TUBGCP2: variants seen among roughly 807,000 people sequenced by gnomAD.
The protein encoded by TUBGCP2 is tubulin gamma complex component 2.
In TUBGCP2, 55 loss-of-function variants were observed where a neutral mutation model predicts 92.2. The observed-to-expected ratio is 0.60, with a 90% CI of 0.48 to 0.75. The LOEUF (loss-of-function observed/expected upper bound fraction) is 0.75. TUBGCP2 is among the 30% of genes least tolerant of loss of function. The probability of loss-of-function intolerance (pLI) is 0.00; values close to 1 mark genes in which losing one functional copy is unlikely to be tolerated. For missense variants in TUBGCP2, 1,093 were observed against 1,188.9 expected (o/e 0.92, Z 1.19); for synonymous variants, 533 against 505.2 (o/e 1.06, Z -0.74).
chr10:133,308,204 G>C (rs1264458015), intron 1 of TUBGCP2, among the ~76,000 whole-genome samples: 2 of 152,122 alleles, frequency 1.3e-5, no homozygotes, highest in African/African-American at 4.8e-5. Context: ...ATTTTAATTA[G>C]GTGACTCTTT....
rs556157656 is a variant in TUBGCP2, at chr10:133,303,087, T to C, written c.-39-107A>G. 8.8e-5 allele frequency: 92 copies of C among 1,045,380 alleles called. No individual in the cohort carries two copies. In the South Asian group the frequency reaches 1.3e-3, roughly 15 times the overall value. 64.8% of individuals were successfully genotyped at this position (1,045,380 alleles called of 1,614,324 possible). On this transcript the variant is annotated intron_variant, in intron 1 of 17. Coordinates refer to ENST00000252936, the MANE Select transcript of TUBGCP2 (RefSeq NM_006659.4). ...TGTCAGGCTTTGACAAACCAAGTTA[T>C]CACCTGGCCTGCCTGGCCTAGGGCC...
intron 3 of TUBGCP2, 85 bp from the exon 4 acceptor site, chr10:133,299,688 G>T: frequency 8.1e-7 from 1 of 1,228,634 alleles, no homozygotes; most frequent in Non-Finnish European, 1.1e-6. Context: ...CCACCAGGAC[G>T]GCTCCCCAAC....
chr10:133,279,993 G>A (rs1387930258), intron 17 of TUBGCP2, 92 bp from the exon 18 acceptor site: 7 of 1,523,818 alleles, frequency 4.6e-6, no homozygotes, highest in East Asian at 2.4e-5. Flanking sequence ...CAGCTAGGGT[G>A]CACACCCCTT....
intron 1 of TUBGCP2, among the ~76,000 whole-genome samples, chr10:133,305,448 G>A: frequency 6.6e-6 from 1 of 152,204 alleles, no homozygotes; most frequent in East Asian, 1.9e-4. Flanking sequence ...GGCATTCGGG[G>A]CCACTACCGG....
At position 133,292,585 on chromosome 10, in the gene TUBGCP2, G is replaced by T. The variant is rs1345722644; in HGVS notation, c.1128C>A (p.Cys376Ter). ...YTGDSQAQEL[C>*]LYLTKAASAP... ...CACTGGCCGCCTTGGTTAGGTACAG[G>T]CATAGCTCCTGCGCCTGGCTGTCCC... is the stretch of plus-strand genomic sequence containing the variant. The change falls in exon 8 of 18, where the codon TGC (cysteine) becomes TGA (stop). Residue 376 changes from cysteine to a stop codon, truncating the protein, a stop_gained. Coordinates refer to ENST00000252936, the MANE Select transcript of TUBGCP2 (RefSeq NM_006659.4). LOFTEE classifies it high-confidence loss of function. 1 of 1,614,220 alleles carries T rather than the reference G, an allele frequency of 6.2e-7. No homozygotes were observed. The highest frequency in any genetic ancestry group is 8.5e-7 in the Non-Finnish European group (1 of 1,180,038).
chr10:133,305,496 T>A (rs947567744), intron 1 of TUBGCP2, among the ~76,000 whole-genome samples: 2 of 152,174 alleles, frequency 1.3e-5, no homozygotes, highest in Non-Finnish European at 2.9e-5. Context: ...CCGGGCCCGC[T>A]GTCTTTTCTT....
chr10:133,286,905 T>C (rs1847147365), intron 11 of TUBGCP2, among the ~76,000 whole-genome samples: 1 of 152,078 alleles, frequency 6.6e-6, no homozygotes, highest in Non-Finnish European at 1.5e-5. Context: ...AAACTAACTT[T>C]TCAAATTAAG....
At chr10:133,289,781 G>C in intron 9 of TUBGCP2, 43 bp downstream of exon 9, 1 of 64,632 alleles carries the variant, frequency 1.5e-5, no homozygotes, top group Non-Finnish European at 2.3e-5. Context: ...TCTCCAGGCA[G>C]AGCTGTGCTG....
rs1847227157 is a variant in TUBGCP2, at chr10:133,289,762, G to A, written c.1360+62C>T. 1.1e-5 allele frequency: 17 copies of A among 1,574,352 alleles called. No homozygotes were observed. In the South Asian group the frequency reaches 1.8e-4, roughly 17 times the overall value. On this transcript the variant is annotated intron_variant, in intron 9 of 17. Transcript: ENST00000252936. The stretch of plus-strand genomic sequence containing the variant: ...GGCTCCCGGTGGGAGGGCCTGGGCT[G>A]CAGGAGACTCTCCAGGCAGAGCTGT...
upstream of TUBGCP2, chr10:133,308,993 C>T: frequency 8.0e-7 from 1 of 1,247,686 alleles, no homozygotes; most frequent in Non-Finnish European, 1.0e-6. Context: ...GGGCCCGGGG[C>T]GGCGGAGCCG....
intron 3 of TUBGCP2, 66 bp downstream of exon 3, chr10:133,299,919 G>T: frequency 1.3e-6 from 2 of 1,588,570 alleles, no homozygotes; most frequent in Non-Finnish European, 1.7e-6. Flanking sequence ...GAGTGAGCAG[G>T]AGACGCGACC....
At chr10:133,310,041 C>T, upstream of TUBGCP2, 1 of 1,609,184 alleles carries the variant, frequency 6.2e-7, no homozygotes, top group Non-Finnish European at 8.5e-7. Flanking sequence ...GAGTGCTGCC[C>T]CCAGCTCTCG....
chr10:133,293,660 C>T lies in TUBGCP2; in HGVS notation c.726G>A (p.Gln242=). 1 of 1,595,428 alleles carries T rather than the reference C, an allele frequency of 6.3e-7. No individual in the cohort carries two copies. Among genetic ancestry groups the T allele is most frequent in the African/African-American group, 1.3e-5 (1 of 74,822 alleles). The change falls in exon 6 of 18, where the codon CAG becomes CAA. Residue 242 remains glutamine (Q), a synonymous_variant. Coordinates refer to ENST00000252936, the MANE Select transcript of TUBGCP2 (RefSeq NM_006659.4). ...YVSAQPLAGR[Q]SRTFLVDPNL... is the part of the protein sequence containing the mutation. ...TGGGGTCCACGAGGAAGGTCCGGCTCTGCCTCCCAGCCAGGGGCTGAGCAC... is the reference window on the plus strand; with the variant it reads ...TGGGGTCCACGAGGAAGGTCCGGCTTTGCCTCCCAGCCAGGGGCTGAGCAC...
upstream of TUBGCP2, chr10:133,309,906 C>CACCT: frequency 6.2e-7 from 1 of 1,613,670 alleles, no homozygotes. Flanking sequence ...CCCTTCCGGA[C>CACCT]ACCTGCTGGA....
intron 1 of TUBGCP2, among the ~76,000 whole-genome samples, chr10:133,305,548 C>T (rs1847793223): frequency 6.6e-6 from 1 of 152,132 alleles, no homozygotes; most frequent in Non-Finnish European, 1.5e-5. Context: ...AATCTCTCAT[C>T]TCCGCACACG....
intron 5 of TUBGCP2, among the ~76,000 whole-genome samples, chr10:133,297,736 T>C (rs1370869434): frequency 6.6e-6 from 1 of 152,228 alleles, no homozygotes; most frequent in African/African-American, 2.4e-5. Context: ...GGGTGAGCCG[T>C]TCTCTGCTGC....
rs747434690 is a variant in TUBGCP2, at chr10:133,298,027, C to T, written c.541G>A (p.Val181Met). 5.6e-6 allele frequency: 9 copies of T among 1,614,162 alleles called. No homozygotes were observed. The South Asian group carries it at 9.9e-5, about 18-fold the overall frequency. ...GQHLPIFPAW[V>M]YERPALIGDF... is the part of the protein sequence containing the mutation. Reference sequence around the variant, plus strand: ...CCGATCAGGGCAGGTCTCTCATACACCCATGCTGGGAAGATGGGGAGGTGC... The same window carrying T: ...CCGATCAGGGCAGGTCTCTCATACATCCATGCTGGGAAGATGGGGAGGTGC... Residue 181 changes from valine to methionine, a missense_variant, in exon 5 of 18, where the codon GTG becomes ATG. By Grantham distance (21) the Val-to-Met change is conservative (BLOSUM62 1). Around this residue, in one of 3 missense-constraint regions of TUBGCP2, gnomAD observed 490 missense variants for 488.5 expected, o/e 1.00. Coordinates refer to ENST00000252936, the MANE Select transcript of TUBGCP2 (RefSeq NM_006659.4).
rs571542428 is a variant in TUBGCP2, at chr10:133,279,573, C to T, written c.*193G>A. ...AAACAGATTAGCAAATCCAGGGAGA[C>T]ATCCACCCTGCCTGGGCAGCTTCTA... On this transcript the variant is annotated 3_prime_UTR_variant, in exon 18 of 18. Coordinates refer to ENST00000252936, the MANE Select transcript of TUBGCP2 (RefSeq NM_006659.4). The T allele has an allele frequency of 2.5e-6, 2 of 785,608 alleles. No homozygotes were observed. Among genetic ancestry groups the T allele is most frequent in the African/African-American group, 1.8e-5 (1 of 54,822 alleles). The allele number at this position is 785,608 out of a possible 1,614,324, so 48.7% of individuals were successfully genotyped here.
At chr10:133,296,775 C>T (rs777213829) in intron 5 of TUBGCP2, among the ~76,000 whole-genome samples, 2 of 152,188 alleles carry the variant, frequency 1.3e-5, no homozygotes, top group African/African-American at 2.4e-5. Flanking sequence ...CATGCCTGGC[C>T]GAAGTAGACT....
Sources: gnomAD v4.1 joint callset for allele counts (sites outside exome capture counted in the v4.1 genomes callset) on GRCh38, gnomAD v4.1.1 for gene constraint, gnomAD v4.1.1 regional missense constraint, MANE v1.5 for transcripts, NCBI Gene and HGNC (gene_info 2026-07-23, HGNC 2026-07-21) for gene names.